The following TCF25 variants were observed in gnomAD, a reference collection of about 807,000 sequenced individuals.
The protein encoded by TCF25 is TCF25 ribosome quality control complex subunit.
TCF25 carries 41 observed loss-of-function variants against 83.1 expected under a neutral mutation model. The ratio of observed to expected loss-of-function variants is 0.49; its 90% CI spans 0.38 to 0.64. The LOEUF is 0.64. Ranked by LOEUF, TCF25 falls within the 30% of genes least tolerant of loss-of-function variation. The pLI, the probability that TCF25 is intolerant of heterozygous loss-of-function variation, is 0.00. For synonymous variants in TCF25, 458 were observed against 365.0 expected (o/e 1.25, Z -2.90); for missense variants, 979 against 914.5 (o/e 1.07, Z -0.91).
chr16:89,886,446 A>G (rs1203694282), intron 4 of TCF25, among the ~76,000 whole-genome samples: 1 of 145,244 alleles, frequency 6.9e-6, no homozygotes, highest in Non-Finnish European at 1.5e-5. Context: ...AATAATAATA[A>G]TAATATGAGT....
intron 8 of TCF25, among the ~76,000 whole-genome samples, chr16:89,895,566 A>C (rs1038157886): frequency 2.0e-5 from 3 of 152,234 alleles, no homozygotes; most frequent in Non-Finnish European, 4.4e-5. Context: ...GTCGATCAGA[A>C]CGTCGTTCGT....
chr16:89,888,314 G>A (rs1368019822), intron 5 of TCF25, among the ~76,000 whole-genome samples: 3 of 147,790 alleles, frequency 2.0e-5, no homozygotes, highest in South Asian at 2.2e-4. Flanking sequence ...TAGTTTTGTC[G>A]TGGTGGCTCA....
At chr16:89,886,432 AAAT>A (rs952250925) in intron 4 of TCF25, among the ~76,000 whole-genome samples, 6 of 149,726 alleles carry the variant, frequency 4.0e-5, no homozygotes, top group Non-Finnish European at 5.9e-5. Context: ...TGTCTCAAAA[AAAT>A]AATAATAATA....
intron 12 of TCF25, chr16:89,900,999 G>A (rs886759118): frequency 1.1e-5 from 6 of 534,540 alleles, no homozygotes; most frequent in Admixed American, 3.2e-5. Context: ...AGCCAGGCAC[G>A]AGGAGGTGGC....
At chr16:89,900,440 T>G (rs1315867445) in intron 11 of TCF25, among the ~76,000 whole-genome samples, 195 bp from the exon 12 acceptor site, 1 of 152,160 alleles carries the variant, frequency 6.6e-6, no homozygotes, top group Non-Finnish European at 1.5e-5. Flanking sequence ...GTCCTCTGTA[T>G]CTTCTGCATG....
intron 5 of TCF25, among the ~76,000 whole-genome samples, chr16:89,888,611 T>C (rs1333965873): frequency 6.6e-6 from 1 of 151,140 alleles, no homozygotes; most frequent in East Asian, 1.9e-4. Flanking sequence ...AAGATTCTAG[T>C]TTTGCTTCTC....
intron 12 of TCF25, among the ~76,000 whole-genome samples, chr16:89,903,221 T>G (rs1012048839): frequency 6.6e-6 from 1 of 152,222 alleles, no homozygotes; most frequent in South Asian, 2.1e-4. Context: ...CGCTGCCACT[T>G]ACCCCAGAAC....
intron 13 of TCF25, 138 bp from the exon 14 acceptor site, chr16:89,904,800 A>G: frequency 9.5e-7 from 1 of 1,057,852 alleles, no homozygotes; most frequent in Non-Finnish European, 1.4e-6. Flanking sequence ...TCAGGCCAGC[A>G]GCCCAGGGGC....
At chr16:89,910,791 G>T in intron 17 of TCF25, 128 bp downstream of exon 17, 1 of 1,126,266 alleles carries the variant, frequency 8.9e-7, no homozygotes, top group East Asian at 2.4e-5. Context: ...AAGGACCAAG[G>T]CTGCATTGTG....
intron 5 of TCF25, among the ~76,000 whole-genome samples, chr16:89,888,974 A>C (rs2043221610): frequency 1.3e-5 from 2 of 150,270 alleles, no homozygotes. Context: ...GGCGTGAGCC[A>C]TGGCGCCCGG....
At chr16:89,888,314 G>T (rs1368019822) in intron 5 of TCF25, among the ~76,000 whole-genome samples, 1 of 147,790 alleles carries the variant, frequency 6.8e-6, no homozygotes, top group Non-Finnish European at 1.5e-5. Context: ...TAGTTTTGTC[G>T]TGGTGGCTCA....
chr16:89,895,935 C>A, intron 8 of TCF25, 55 bp from the exon 9 acceptor site: 1 of 1,483,660 alleles, frequency 6.7e-7, no homozygotes, highest in East Asian at 2.3e-5. Context: ...AGAGGAGGGG[C>A]CGTGGTTGCT....
intron 12 of TCF25, chr16:89,901,117 G>C: frequency 4.1e-6 from 1 of 242,688 alleles, no homozygotes; most frequent in Non-Finnish European, 8.2e-6. Flanking sequence ...AGCAAAGCAG[G>C]GGAAGGTCTC....
chr16:89,901,677 A>G (rs1401124481), intron 12 of TCF25, among the ~76,000 whole-genome samples: 1 of 57,402 alleles, frequency 1.7e-5, no homozygotes, highest in Non-Finnish European at 3.5e-5. Flanking sequence ...CCCAGGAGGC[A>G]GAGCTTGCAG....
intron 1 of TCF25, among the ~76,000 whole-genome samples, chr16:89,881,138 T>C (rs1245025727): frequency 1.3e-5 from 2 of 152,166 alleles, no homozygotes. Context: ...ATCCTTGTCA[T>C]GTGGGAGCCT....
rs2045454871 is a variant in TCF25, at chr16:89,910,342, G to A, written c.1800-249G>A. 7 of 550,764 alleles carry A rather than the reference G, an allele frequency of 1.3e-5. No individual in the cohort carries two copies. In the Admixed American group the frequency reaches 1.3e-4, roughly 10 times the overall value. The allele number at this position is 550,764 out of a possible 1,614,324, so 34.1% of individuals were successfully genotyped here. ...GTGGGAGCCTCGCTCCGGACGCCACGCCTGCCTCAGCTGAGTTGGTCTCCC... is the reference window on the plus strand; with the variant it reads ...GTGGGAGCCTCGCTCCGGACGCCACACCTGCCTCAGCTGAGTTGGTCTCCC... On this transcript the variant is annotated intron_variant, in intron 16 of 17. Coordinates refer to ENST00000263346, the MANE Select transcript of TCF25 (RefSeq NM_014972.3).
At chr16:89,901,484 G>A (rs1016704434) in intron 12 of TCF25, among the ~76,000 whole-genome samples, 2 of 144,680 alleles carry the variant, frequency 1.4e-5, no homozygotes, top group South Asian at 2.2e-4. Context: ...GGTGGCTCAC[G>A]CCTGTAATCC....
chr16:89,909,769 C>T (rs2045391325), intron 16 of TCF25: 1 of 152,328 alleles, frequency 6.6e-6, no homozygotes, highest in African/African-American at 2.4e-5. Context: ...CCTCACCAGG[C>T]TCAGGGGAGA....
chr16:89,895,956 A>G (rs1243803826), intron 8 of TCF25, 34 bp from the exon 9 acceptor site: 2 of 1,600,092 alleles, frequency 1.2e-6, no homozygotes. Context: ...GTGTGTGGCC[A>G]TGACACCCTC....
Sources: gnomAD v4.1 joint callset for allele counts (sites outside exome capture counted in the v4.1 genomes callset) on GRCh38, gnomAD v4.1.1 for gene constraint, MANE v1.5 for transcripts, NCBI Gene and HGNC (gene_info 2026-07-23, HGNC 2026-07-21) for gene names.